FYN: variants seen among roughly 807,000 people sequenced by gnomAD.
FYN encodes FYN proto-oncogene, Src family tyrosine kinase.
Under a neutral mutation model 70.2 loss-of-function variants are expected in FYN, and 10 were observed. That is an observed-to-expected ratio of 0.14 (90% CI 0.09 to 0.24). The LOEUF (loss-of-function observed/expected upper bound fraction) is 0.24, where lower values mean the gene tolerates loss of function less well. FYN is among the 10% of genes least tolerant of loss of function. The pLI, the probability that FYN is intolerant of heterozygous loss-of-function variation, is 1.00. For missense variants in FYN, 319 were observed against 673.1 expected, an observed-to-expected ratio of 0.47 and a Z score of 5.82; for synonymous variants, 236 against 248.6, an observed-to-expected ratio of 0.95 and a Z score of 0.48.
intron 1 of FYN, among the ~76,000 whole-genome samples, chr6:111,862,907 G>C (rs974408150): frequency 2.0e-5 from 3 of 152,188 alleles, no homozygotes; most frequent in African/African-American, 7.2e-5. Flanking sequence ...TTCCGGGAAA[G>C]GAAAACAAAG....
At chr6:111,728,833 T>C (rs1214861183) in intron 3 of FYN, among the ~76,000 whole-genome samples, 1 of 152,232 alleles carries the variant, frequency 6.6e-6, no homozygotes, top group African/African-American at 2.4e-5. Context: ...TGTGGAGATA[T>C]GTTTTCAACT....
chr6:111,720,991 G>A (rs1480316936), intron 3 of FYN, among the ~76,000 whole-genome samples: 3 of 151,986 alleles, frequency 2.0e-5, no homozygotes, highest in Non-Finnish European at 4.4e-5. Context: ...TCCTGTCTCG[G>A]CTCTCCTATT....
intron 2 of FYN, among the ~76,000 whole-genome samples, chr6:111,810,896 T>C (rs1772303682): frequency 6.6e-6 from 1 of 152,364 alleles, no homozygotes; most frequent in African/African-American, 2.4e-5. Context: ...TTAGGGTCCT[T>C]TTCCTATCCA....
chr6:111,811,640 T>C (rs531767300), intron 2 of FYN, among the ~76,000 whole-genome samples: 1 of 152,214 alleles, frequency 6.6e-6, no homozygotes, highest in South Asian at 2.1e-4. Context: ...TGACCTTACA[T>C]ATGATGGGGC....
At chr6:111,757,338 A>G (rs1283577152) in intron 3 of FYN, among the ~76,000 whole-genome samples, 1 of 152,244 alleles carries the variant, frequency 6.6e-6, no homozygotes, top group Admixed American at 6.5e-5. Context: ...TAACCTAATT[A>G]TATTGTAAAA....
At chr6:111,732,976 T>A (rs563329778) in intron 3 of FYN, among the ~76,000 whole-genome samples, 2 of 151,972 alleles carry the variant, frequency 1.3e-5, no homozygotes, top group East Asian at 3.9e-4. Context: ...TGGGAGGAGA[T>A]GGGGGAGGGC....
At chr6:111,845,602 G>A (rs1379368240) in intron 2 of FYN, among the ~76,000 whole-genome samples, 3 of 152,174 alleles carry the variant, frequency 2.0e-5, no homozygotes, top group African/African-American at 7.2e-5. Context: ...AATGGCTCTA[G>A]TTCAGAAAGA....
At chr6:111,734,883 G>T (rs1460216898) in intron 3 of FYN, among the ~76,000 whole-genome samples, 1 of 152,206 alleles carries the variant, frequency 6.6e-6, no homozygotes, top group Non-Finnish European at 1.5e-5. Context: ...ACTGTGCTAA[G>T]GGCTGCCGGT....
At chr6:111,845,281 A>G (rs1428915541) in intron 2 of FYN, among the ~76,000 whole-genome samples, 1 of 152,116 alleles carries the variant, frequency 6.6e-6, no homozygotes, top group African/African-American at 2.4e-5. Flanking sequence ...CTAGTCCAGA[A>G]GGGTCACAGT....
At chr6:111,812,392 C>T (rs1271119034) in intron 2 of FYN, among the ~76,000 whole-genome samples, 2 of 152,052 alleles carry the variant, frequency 1.3e-5, no homozygotes, top group African/African-American at 4.8e-5. Context: ...GAGGGCTTAG[C>T]GCATATGCCT....
chr6:111,811,918 G>T (rs1297093837), intron 2 of FYN, among the ~76,000 whole-genome samples: 2 of 152,074 alleles, frequency 1.3e-5, no homozygotes, highest in East Asian at 3.9e-4. Flanking sequence ...GGACTCTCCA[G>T]GCATCACAGG....
chr6:111,766,397 T>C (rs1336871673), intron 3 of FYN, among the ~76,000 whole-genome samples: 2 of 152,200 alleles, frequency 1.3e-5, no homozygotes, highest in Non-Finnish European at 2.9e-5. Context: ...ACATTGCTTT[T>C]AGGGTTGGAA....
chr6:111,846,458 C>T (rs1224797568), intron 2 of FYN, 131 bp downstream of exon 2: 4 of 397,880 alleles, frequency 1.0e-5, no homozygotes, highest in Non-Finnish European at 1.3e-5. Flanking sequence ...TCCAACTCGA[C>T]CTCTCTCTTA....
chr6:111,725,776 G>A (rs1801165814), intron 3 of FYN, among the ~76,000 whole-genome samples: 3 of 152,188 alleles, frequency 2.0e-5, no homozygotes, highest in African/African-American at 7.2e-5. Flanking sequence ...GTGGTAGGGA[G>A]AATTCTGAGC....
intron 1 of FYN, among the ~76,000 whole-genome samples, chr6:111,851,957 T>C (rs756298891): frequency 1.5e-4 from 23 of 151,854 alleles, no homozygotes; most frequent in Non-Finnish European, 2.8e-4. Context: ...TATTTAAAAG[T>C]GTTAGTTTAC....
intron 1 of FYN, among the ~76,000 whole-genome samples, chr6:111,868,258 G>A (rs1348129394): frequency 1.3e-5 from 2 of 152,152 alleles, no homozygotes; most frequent in South Asian, 2.1e-4. Flanking sequence ...AAGTTCCTTC[G>A]GGACAGGATC....
At chr6:111,666,018 T>TTTTC (rs1162492364) in intron 13 of FYN, among the ~76,000 whole-genome samples, 163 of 143,372 alleles carry the variant, frequency 1.1e-3, no homozygotes, top group African/African-American at 2.3e-3. Flanking sequence ...TTTTTTTTTT[T>TTTTC]TGAGACAGAG....
rs200065807 is a variant in FYN at position 111,867,457 on chromosome 6, G to GGAAA, written c.-123+5507_-123+5510dup. Among the ~76,000 whole-genome samples, 90 of 83,000 alleles carry GGAAA rather than the reference G, an allele frequency of 1.1e-3. 2 individuals are homozygous for GGAAA. The highest frequency in any genetic ancestry group is 5.1e-3 in the Middle Eastern group (1 of 196). 54.5% of individuals were successfully genotyped at this position (83,000 alleles called of 152,430 possible). On this transcript the variant is annotated intron_variant, in intron 1 of 13. Transcript: ENST00000354650. Reference sequence around the variant, plus strand: ...GCAACAAGAGCGAAACTCCGTCTCGGGAAAAAAAAAAAAAAAAAAAAAAAA... The same window carrying GGAAA: ...GCAACAAGAGCGAAACTCCGTCTCGGGAAAGAAAAAAAAAAAAAAAAAAAAAAAA...
intron 2 of FYN, among the ~76,000 whole-genome samples, chr6:111,839,957 C>T (rs2114452285): frequency 6.6e-6 from 1 of 152,278 alleles, no homozygotes; most frequent in African/African-American, 2.4e-5. Flanking sequence ...AAGGCCTCTT[C>T]CCAGCTTTCA....
Sources: allele counts gnomAD v4.1 joint callset (sites outside exome capture counted in the v4.1 genomes callset), GRCh38; gene constraint gnomAD v4.1.1; transcripts MANE v1.5; gene names NCBI Gene and HGNC (gene_info 2026-07-23, HGNC 2026-07-21).